PLXDC2: variants seen among roughly 807,000 people sequenced by gnomAD.
PLXDC2 encodes the protein plexin domain-containing protein 2.
Under a neutral mutation model 68.9 loss-of-function variants are expected in PLXDC2, and 40 were observed. The ratio of observed to expected loss-of-function variants is 0.58; its 90% CI spans 0.45 to 0.76. The LOEUF (loss-of-function observed/expected upper bound fraction) is 0.76. Ranked by LOEUF, PLXDC2 falls within the 30% of genes least tolerant of loss-of-function variation. The pLI is 0.00. For missense variants in PLXDC2, 644 were observed against 661.9 expected (o/e 0.97, Z 0.30); for synonymous variants, 243 against 234.2 (o/e 1.04, Z -0.34).
chr10:20,123,143 T>A (rs1206376813), intron 4 of PLXDC2, among the ~76,000 whole-genome samples: 3 of 151,904 alleles, frequency 2.0e-5, no homozygotes, highest in African/African-American at 7.3e-5. Flanking sequence ...AGGGGAGGTG[T>A]GATAAAAGGA....
chr10:19,870,326 G>A (rs955013072), intron 1 of PLXDC2, among the ~76,000 whole-genome samples: 7 of 152,152 alleles, frequency 4.6e-5, no homozygotes, highest in African/African-American at 1.7e-4. Context: ...TATAGTTAAA[G>A]GTGATGAATT....
chr10:19,849,821 G>A (rs1399118097), intron 1 of PLXDC2, among the ~76,000 whole-genome samples: 1 of 152,110 alleles, frequency 6.6e-6, no homozygotes, highest in Non-Finnish European at 1.5e-5. Flanking sequence ...TTATTTTGAA[G>A]TTAAAGGACT....
intron 3 of PLXDC2, among the ~76,000 whole-genome samples, chr10:20,054,351 T>A (rs539787821): frequency 1.3e-5 from 2 of 152,088 alleles, no homozygotes; most frequent in African/African-American, 4.8e-5. Context: ...TACCTGAGTC[T>A]CTCTAAGAGT....
At chr10:19,937,951 G>C (rs1171011421) in intron 1 of PLXDC2, among the ~76,000 whole-genome samples, 1 of 152,068 alleles carries the variant, frequency 6.6e-6, no homozygotes, top group Non-Finnish European at 1.5e-5. Flanking sequence ...GGTAATCATG[G>C]CTTTAGGCAC....
intron 1 of PLXDC2, among the ~76,000 whole-genome samples, chr10:19,937,013 T>G (rs531118583): frequency 1.3e-5 from 2 of 152,326 alleles, no homozygotes; most frequent in Admixed American, 1.3e-4. Flanking sequence ...TGTTTGATGT[T>G]CCTATTGACT....
intron 1 of PLXDC2, among the ~76,000 whole-genome samples, chr10:20,000,491 C>T (rs1288091890): frequency 6.6e-6 from 1 of 151,970 alleles, no homozygotes; most frequent in Non-Finnish European, 1.5e-5. Context: ...TATATCCTTA[C>T]TCTATGCATC....
At chr10:19,944,527 C>G (rs924051158) in intron 1 of PLXDC2, among the ~76,000 whole-genome samples, 2 of 152,064 alleles carry the variant, frequency 1.3e-5, no homozygotes, top group Admixed American at 1.3e-4. Context: ...AACAAAGAAC[C>G]ACTGGTGAAT....
intron 4 of PLXDC2, among the ~76,000 whole-genome samples, chr10:20,071,441 A>G (rs1836313968): frequency 6.6e-6 from 1 of 152,148 alleles, no homozygotes; most frequent in Admixed American, 6.6e-5. Flanking sequence ...GAGGTAATTG[A>G]ATCATGGGGG....
intron 1 of PLXDC2, among the ~76,000 whole-genome samples, chr10:19,867,988 G>A (rs1050317952): frequency 2.0e-5 from 3 of 152,144 alleles, no homozygotes; most frequent in African/African-American, 7.2e-5. Context: ...GTTTAAACAA[G>A]TCATTTGTCA....
chr10:20,126,894 A>G (rs984506191), intron 4 of PLXDC2, among the ~76,000 whole-genome samples: 19 of 146,952 alleles, frequency 1.3e-4, no homozygotes, highest in African/African-American at 4.8e-4. Flanking sequence ...TATACTATAT[A>G]ATATATGTAT....
At chr10:19,960,968 T>C (rs1047841031) in intron 1 of PLXDC2, among the ~76,000 whole-genome samples, 1 of 152,218 alleles carries the variant, frequency 6.6e-6, no homozygotes, top group Non-Finnish European at 1.5e-5. Context: ...AGCAGTAAGT[T>C]ACTTTCCTTG....
At chr10:20,209,752 A>G (rs759304322) in intron 9 of PLXDC2, among the ~76,000 whole-genome samples, 2 of 152,146 alleles carry the variant, frequency 1.3e-5, no homozygotes, top group Non-Finnish European at 2.9e-5. Context: ...TAATGCAGTC[A>G]TCACAGGGTC....
At chr10:20,229,610 T>C (rs1404524462) in intron 12 of PLXDC2, among the ~76,000 whole-genome samples, 1 of 148,848 alleles carries the variant, frequency 6.7e-6, no homozygotes, top group African/African-American at 2.5e-5. Flanking sequence ...TTAAAGAGAG[T>C]AGTTTAATCC....
At chr10:19,968,845 T>A (rs1392865851) in intron 1 of PLXDC2, among the ~76,000 whole-genome samples, 1 of 152,204 alleles carries the variant, frequency 6.6e-6, no homozygotes, top group Non-Finnish European at 1.5e-5. Context: ...ACAGATGGCA[T>A]AACCCAGTGT....
rs552223515 is a variant in PLXDC2, at chr10:20,181,392, G to A, written c.1061+3983G>A. ...AACCATAACTCTCATGGAGTTTGGA[G>A]TTTAGCTTAGTAAGCCAGAAAATTA... On this transcript the variant is annotated intron_variant, in intron 9 of 13. Transcript: ENST00000377252. Among the ~76,000 whole-genome samples, 3 of 152,130 alleles carry A rather than the reference G, an allele frequency of 2.0e-5. No homozygotes were observed. The East Asian group carries it at 5.8e-4, about 30-fold the overall frequency.
intron 1 of PLXDC2, among the ~76,000 whole-genome samples, chr10:19,869,472 G>GC (rs984856052): frequency 2.4e-5 from 3 of 127,014 alleles, no homozygotes; most frequent in African/African-American, 8.7e-5. Context: ...AGAGAAAGGG[G>GC]GGGGGGGGAG....
At chr10:19,885,486 G>C (rs1164130036) in intron 1 of PLXDC2, among the ~76,000 whole-genome samples, 1 of 152,138 alleles carries the variant, frequency 6.6e-6, no homozygotes, top group African/African-American at 2.4e-5. Context: ...TATGGTTTTA[G>C]GTCTAACGTT....
chr10:20,256,753 A>G (rs1216580835), intron 13 of PLXDC2, among the ~76,000 whole-genome samples: 1 of 151,954 alleles, frequency 6.6e-6, no homozygotes, highest in Non-Finnish European at 1.5e-5. Flanking sequence ...TTGAATCCTG[A>G]ATATGTATAA....
intron 4 of PLXDC2, among the ~76,000 whole-genome samples, chr10:20,080,478 A>G (rs1836532936): frequency 1.3e-5 from 2 of 152,156 alleles, no homozygotes; most frequent in Non-Finnish European, 2.9e-5. Flanking sequence ...CTGGCAAACC[A>G]CTGGTGTAAG....
Sources: allele counts gnomAD v4.1 joint callset (sites outside exome capture counted in the v4.1 genomes callset), GRCh38; gene constraint gnomAD v4.1.1; transcripts MANE v1.5; gene names NCBI Gene and HGNC (gene_info 2026-07-23, HGNC 2026-07-21).